AKT3: variants seen among roughly 807,000 people sequenced by gnomAD.
The protein encoded by AKT3 is AKT serine/threonine kinase 3, also known as RAC-gamma serine/threonine-protein kinase.
A neutral mutation model predicts 65.3 loss-of-function variants in AKT3; 15 were observed. That is an observed-to-expected ratio of 0.23 (90% CI 0.15 to 0.35). AKT3 has a LOEUF of 0.35. Among genes scored for constraint, AKT3 ranks in the 10% least tolerant of loss-of-function variants. AKT3 has a pLI of 1.00. For synonymous variants in AKT3, 206 were observed against 183.8 expected, an observed-to-expected ratio of 1.12 and a Z score of -0.98; for missense variants, 243 against 576.5, an observed-to-expected ratio of 0.42 and a Z score of 5.92.
At chr1:243,660,772 T>C (rs1241417488) in intron 4 of AKT3, among the ~76,000 whole-genome samples, 1 of 152,148 alleles carries the variant, frequency 6.6e-6, no homozygotes, top group Non-Finnish European at 1.5e-5. Context: ...AGTCAAATTG[T>C]CCCTGTTTGC....
intron 12 of AKT3, among the ~76,000 whole-genome samples, chr1:243,518,765 T>C (rs532476607): frequency 4.6e-5 from 7 of 152,356 alleles, no homozygotes; most frequent in East Asian, 1.9e-4. Flanking sequence ...ATGGAAAATG[T>C]GTATTATGAA....
chr1:243,586,774 T>C (rs548268050), intron 8 of AKT3, among the ~76,000 whole-genome samples: 13 of 152,234 alleles, frequency 8.5e-5, no homozygotes, highest in African/African-American at 3.1e-4. Flanking sequence ...TTGGGTACCA[T>C]GCTCAGTACC....
chr1:243,789,331 A>G (rs1000712276), intron 2 of AKT3, among the ~76,000 whole-genome samples: 1 of 152,224 alleles, frequency 6.6e-6, no homozygotes, highest in African/African-American at 2.4e-5. Flanking sequence ...GGCTGCAGTG[A>G]GCTAGGATCG....
In AKT3 at chr1:243,505,025, A is replaced by T; in HGVS notation, c.*224T>A. 3 of 536,398 alleles carry T rather than the reference A, an allele frequency of 5.6e-6. No homozygotes were observed. The highest frequency in any genetic ancestry group is 9.9e-6 in the Non-Finnish European group (3 of 302,922). 33.2% of individuals were successfully genotyped at this position (536,398 alleles called of 1,614,324 possible). A position where few individuals can be genotyped will look rare whatever the true frequency, so the allele number is the denominator to read the frequency against. On this transcript the variant is annotated 3_prime_UTR_variant, in exon 14 of 14. Transcript: ENST00000673466. Reference sequence around the variant, plus strand: ...AAGACAGTAGCAGCAACAGCATGAGACCTTAGACTGAGATACAATTTCATG... The same window carrying T: ...AAGACAGTAGCAGCAACAGCATGAGTCCTTAGACTGAGATACAATTTCATG...
chr1:243,718,970 CATTCCCTAAGGGGATA>C (rs1401740598), intron 2 of AKT3, among the ~76,000 whole-genome samples: 2 of 152,118 alleles, frequency 1.3e-5, no homozygotes, highest in Non-Finnish European at 2.9e-5. Flanking sequence ...TGGGATAAGT[CATTCCCTAAGGGGATA>C]ATTCCCTTAG....
chr1:243,615,446 A>G (rs1678227486), intron 6 of AKT3, among the ~76,000 whole-genome samples: 1 of 152,226 alleles, frequency 6.6e-6, no homozygotes, highest in African/African-American at 2.4e-5. Flanking sequence ...TATCAGGGAC[A>G]CAGAAAATTA....
Position 243,693,242 on chromosome 1 carries a change from T to TTATATATATATATATATATA in AKT3, c.172+2348_172+2349insTATATATATATATATATATA, listed in dbSNP as rs747780262. On this transcript the variant is annotated intron_variant, in intron 3 of 13. Coordinates refer to ENST00000673466, the MANE Select transcript of AKT3 (RefSeq NM_005465.7). ...ATATATCCCTTTGGTAGCTACAATT[T>TTATATATATATATATATATA]GATATATATATATATATATATATAT... Among the ~76,000 whole-genome samples, 7 of 59,986 alleles carry TTATATATATATATATATATA rather than the reference T, an allele frequency of 1.2e-4. 2 individuals carry two copies. The highest frequency in any genetic ancestry group is 1.6e-4 in the Non-Finnish European group (5 of 30,528). 39.4% of individuals were successfully genotyped at this position (59,986 alleles called of 152,430 possible).
chr1:243,737,347 C>G (rs923089465), intron 2 of AKT3, among the ~76,000 whole-genome samples: 2 of 152,142 alleles, frequency 1.3e-5, no homozygotes, highest in African/African-American at 4.8e-5. Flanking sequence ...CGTGTAGTAA[C>G]AGCTCAGTAA....
intron 9 of AKT3, among the ~76,000 whole-genome samples, chr1:243,567,916 G>A (rs116437485): frequency 0.01 from 1,540 of 152,222 alleles, 18 homozygotes; most frequent in African/African-American, 0.035. Context: ...TCGTAAACCT[G>A]CAGAATGCAC....
intron 12 of AKT3, among the ~76,000 whole-genome samples, chr1:243,514,763 T>C (rs1670241932): frequency 6.6e-6 from 1 of 152,088 alleles, no homozygotes; most frequent in Non-Finnish European, 1.5e-5. Context: ...AAGGCAGAGG[T>C]TGCTGTGAGC....
At chr1:243,825,438 A>G (rs1694109655) in intron 2 of AKT3, among the ~76,000 whole-genome samples, 1 of 152,238 alleles carries the variant, frequency 6.6e-6, no homozygotes, top group Non-Finnish European at 1.5e-5. Flanking sequence ...AATCTGCATC[A>G]TAAAGTATTT....
intron 6 of AKT3, among the ~76,000 whole-genome samples, chr1:243,625,424 C>T (rs952346078): frequency 8.5e-5 from 13 of 152,060 alleles, no homozygotes; most frequent in Admixed American, 2.6e-4. Flanking sequence ...TGAGCCACTG[C>T]GCCTGGCCCA....
intron 3 of AKT3, among the ~76,000 whole-genome samples, chr1:243,684,689 G>A (rs1014982745): frequency 6.6e-6 from 1 of 152,104 alleles, no homozygotes. Context: ...GGAATTGCTG[G>A]GTCAAATGGT....
chr1:243,715,492 T>C (rs931773014), intron 2 of AKT3, among the ~76,000 whole-genome samples: 2 of 152,128 alleles, frequency 1.3e-5, no homozygotes, highest in African/African-American at 2.4e-5. Flanking sequence ...TTGAGAAATA[T>C]GTGACCAACA....
At chr1:243,799,597 A>G (rs1692257628) in intron 2 of AKT3, among the ~76,000 whole-genome samples, 1 of 152,240 alleles carries the variant, frequency 6.6e-6, no homozygotes, top group African/African-American at 2.4e-5. Context: ...TTAAGACTCA[A>G]CATGAAATGA....
chr1:243,495,503 C>T (rs1166373096), downstream of AKT3, among the ~76,000 whole-genome samples: 1 of 152,204 alleles, frequency 6.6e-6, no homozygotes, highest in Non-Finnish European at 1.5e-5. Flanking sequence ...ATGGCCGCTG[C>T]CCTGCGATGG....
At chr1:243,528,770 T>C (rs548747468) in intron 12 of AKT3, among the ~76,000 whole-genome samples, 3 of 152,328 alleles carry the variant, frequency 2.0e-5, no homozygotes, top group South Asian at 2.1e-4. Context: ...ATGAACAGTG[T>C]TGTAATGAAC....
At chr1:243,604,524 T>G (rs12023642) in intron 8 of AKT3, among the ~76,000 whole-genome samples, 19,688 of 152,182 alleles carry the variant, frequency 0.13, 1,473 homozygotes, top group East Asian at 0.25. Context: ...ACATGCCATT[T>G]TACCTGTGTA....
intron 2 of AKT3, among the ~76,000 whole-genome samples, chr1:243,828,157 A>G (rs964765847): frequency 1.3e-5 from 2 of 152,172 alleles, no homozygotes; most frequent in South Asian, 2.1e-4. Context: ...TAAATACTAA[A>G]TATTAGTAAA....
Sources: gnomAD v4.1 joint callset for allele counts (sites outside exome capture counted in the v4.1 genomes callset) on GRCh38, gnomAD v4.1.1 for gene constraint, MANE v1.5 for transcripts, NCBI Gene and HGNC (gene_info 2026-07-23, HGNC 2026-07-21) for gene names.